TMEM178B: variants seen among roughly 807,000 people sequenced by gnomAD.
TMEM178B encodes transmembrane protein 178B.
Under a neutral mutation model 31.0 loss-of-function variants are expected in TMEM178B, and 5 were observed. The ratio of observed to expected loss-of-function variants is 0.16; its 90% CI spans 0.08 to 0.34. The LOEUF is 0.34. Ranked by LOEUF, TMEM178B falls within the 10% of genes least tolerant of loss-of-function variation. The pLI is 1.00. For synonymous variants in TMEM178B, 164 were observed against 164.0 expected (o/e 1.00, Z 0.00); for missense variants, 275 against 400.3 (o/e 0.69, Z 2.67).
chr7:141,470,574 G>A lies in TMEM178B; in HGVS notation c.673G>A (p.Gly225Arg), dbSNP rs576382804. ...CATTTCACTGTGCACCTGTGTGGCC[G>A]GGATCAACTTTGAGCTGTCACGCTA... ...CIISLCTCVA[G>R]INFELSRYPR... Residue 225 changes from glycine (G) to arginine (R), a missense_variant, in exon 4 of 4, where the codon GGG becomes AGG. Gly to Arg is a moderately radical substitution (Grantham distance 125, BLOSUM62 -2). Coordinates refer to ENST00000565468, the MANE Select transcript of TMEM178B (RefSeq NM_001195278.2). 14 of 1,532,984 alleles carry A rather than the reference G, an allele frequency of 9.1e-6. No individual in the cohort carries two copies. Among genetic ancestry groups the A allele is most frequent in the East Asian group, 2.5e-5 (1 of 40,610 alleles). The allele number at this position is 1,532,984 out of a possible 1,614,324, so 95.0% of individuals were successfully genotyped here.
intron 2 of TMEM178B, among the ~76,000 whole-genome samples, chr7:141,331,375 G>C (rs1563153628): frequency 6.6e-6 from 1 of 152,178 alleles, no homozygotes; most frequent in South Asian, 2.1e-4. Context: ...TCTGTGAGTT[G>C]TTGGAAAACC....
chr7:141,226,030 G>A (rs929403668), intron 2 of TMEM178B, among the ~76,000 whole-genome samples: 6 of 152,130 alleles, frequency 3.9e-5, no homozygotes, highest in Non-Finnish European at 5.9e-5. Context: ...GTCAGCTTCC[G>A]AAACCACGAG....
rs182938928 is a variant in TMEM178B, at chr7:141,403,610, G to A, written c.497-33998G>A. Among the ~76,000 whole-genome samples the A allele has an allele frequency of 3.7e-3, 568 of 152,298 alleles. 3 individuals carry two copies. Among genetic ancestry groups the A allele is most frequent in the Non-Finnish European group, 5.9e-3 (398 of 68,024 alleles). ...ATGCTCAATATCTGTGTCTCATTGC[G>A]AAATGGGAATAATAATGGTCTGTAT... On this transcript the variant is annotated intron_variant, in intron 2 of 3. Coordinates refer to ENST00000565468, the MANE Select transcript of TMEM178B (RefSeq NM_001195278.2).
intron 1 of TMEM178B, among the ~76,000 whole-genome samples, chr7:141,111,317 A>G (rs1795231945): frequency 6.6e-6 from 1 of 152,082 alleles, no homozygotes; most frequent in Non-Finnish European, 1.5e-5. Context: ...CCCCCCCAAG[A>G]TTTGGTTACC....
intron 2 of TMEM178B, among the ~76,000 whole-genome samples, chr7:141,392,516 G>A (rs1426207488): frequency 6.6e-6 from 1 of 152,086 alleles, no homozygotes; most frequent in African/African-American, 2.4e-5. Context: ...CTTCATCCCT[G>A]CATACATCAG....
At chr7:141,409,834 A>G (rs1800949017) in intron 2 of TMEM178B, among the ~76,000 whole-genome samples, 1 of 151,692 alleles carries the variant, frequency 6.6e-6, no homozygotes, top group Non-Finnish European at 1.5e-5. Flanking sequence ...CTGGGCATTC[A>G]TTGGCAAATC....
At chr7:141,301,955 G>A (rs888761217) in intron 2 of TMEM178B, among the ~76,000 whole-genome samples, 5 of 152,190 alleles carry the variant, frequency 3.3e-5, no homozygotes, top group Non-Finnish European at 7.3e-5. Context: ...GCTGGGTACA[G>A]TAAAAAGTCT....
At chr7:141,361,775 A>G (rs1163879224) in intron 2 of TMEM178B, among the ~76,000 whole-genome samples, 1 of 152,222 alleles carries the variant, frequency 6.6e-6, no homozygotes, top group Non-Finnish European at 1.5e-5. Flanking sequence ...TATTTTTCTC[A>G]TAATTGAGAC....
At chr7:141,359,653 T>G (rs1479995422) in intron 2 of TMEM178B, among the ~76,000 whole-genome samples, 1 of 152,220 alleles carries the variant, frequency 6.6e-6, no homozygotes, top group Non-Finnish European at 1.5e-5. Flanking sequence ...CATTTTCAAT[T>G]ATCCAGTCCA....
At chr7:141,101,094 T>C (rs887583802) in intron 1 of TMEM178B, among the ~76,000 whole-genome samples, 6 of 152,220 alleles carry the variant, frequency 3.9e-5, no homozygotes, top group Non-Finnish European at 8.8e-5. Flanking sequence ...TTTGATTACT[T>C]TTCTAAGTTA....
chr7:141,261,708 G>A (rs1798014863), intron 2 of TMEM178B, among the ~76,000 whole-genome samples: 1 of 152,126 alleles, frequency 6.6e-6, no homozygotes, highest in African/African-American at 2.4e-5. Flanking sequence ...ACTTCAGGAA[G>A]TAGCACAAGG....
intron 2 of TMEM178B, among the ~76,000 whole-genome samples, chr7:141,356,302 C>T (rs1315564046): frequency 6.6e-6 from 1 of 152,060 alleles, no homozygotes; most frequent in Non-Finnish European, 1.5e-5. Context: ...AAACTGCTTT[C>T]CACAGTGACT....
At chr7:141,109,617 A>G (rs1463880443) in intron 1 of TMEM178B, among the ~76,000 whole-genome samples, 1 of 152,078 alleles carries the variant, frequency 6.6e-6, no homozygotes, top group Non-Finnish European at 1.5e-5. Context: ...CTTTCTCCTC[A>G]CCATTAACCC....
intron 2 of TMEM178B, among the ~76,000 whole-genome samples, chr7:141,223,322 G>A (rs1797285049): frequency 1.3e-5 from 2 of 152,060 alleles, no homozygotes; most frequent in Admixed American, 1.3e-4. Context: ...TTCTGGTGCT[G>A]GCTATGTCAT....
At chr7:141,241,965 G>A (rs959846854) in intron 2 of TMEM178B, among the ~76,000 whole-genome samples, 8 of 151,980 alleles carry the variant, frequency 5.3e-5, no homozygotes, top group African/African-American at 1.7e-4. Context: ...CTGAATTTGG[G>A]TGCTACATTT....
intron 2 of TMEM178B, among the ~76,000 whole-genome samples, chr7:141,380,658 T>C (rs1800299167): frequency 6.6e-6 from 1 of 152,218 alleles, no homozygotes; most frequent in Non-Finnish European, 1.5e-5. Context: ...TTTATATGTG[T>C]GTATGTGTTT....
chr7:141,433,089 G>A (rs1289049843), intron 2 of TMEM178B, among the ~76,000 whole-genome samples: 1 of 152,162 alleles, frequency 6.6e-6, no homozygotes, highest in African/African-American at 2.4e-5. Flanking sequence ...GTGAACTTCA[G>A]TACAATACCC....
At chr7:141,109,208 G>A (rs1319576114) in intron 1 of TMEM178B, among the ~76,000 whole-genome samples, 11 of 152,158 alleles carry the variant, frequency 7.2e-5, no homozygotes, top group Non-Finnish European at 1.5e-4. Context: ...GTGAATGAGA[G>A]GCATGGGAAT....
intron 2 of TMEM178B, among the ~76,000 whole-genome samples, chr7:141,384,896 A>G (rs1800402227): frequency 6.6e-6 from 1 of 152,116 alleles, no homozygotes; most frequent in Non-Finnish European, 1.5e-5. Context: ...CTGATCTAGT[A>G]TTTTGATATT....
Sources: gnomAD v4.1 joint callset for allele counts (sites outside exome capture counted in the v4.1 genomes callset) on GRCh38, gnomAD v4.1.1 for gene constraint, MANE v1.5 for transcripts, NCBI Gene and HGNC (gene_info 2026-07-23, HGNC 2026-07-21) for gene names.